Variants in NCAPH2 observed in about 807,000 individuals in gnomAD.
NCAPH2 encodes non-SMC condensin II complex subunit H2.
In NCAPH2, 56 loss-of-function variants were observed where a neutral mutation model predicts 88.6. That is an observed-to-expected ratio of 0.63 (90% CI 0.51 to 0.79). The LOEUF is 0.79. Ranked by LOEUF, NCAPH2 falls within the 30% of genes least tolerant of loss-of-function variation. NCAPH2 has a pLI of 0.00. For missense variants in NCAPH2, 794 were observed against 792.0 expected, an observed-to-expected ratio of 1.00 and a Z score of -0.03; for synonymous variants, 378 against 313.6, an observed-to-expected ratio of 1.21 and a Z score of -2.17.
chr22:50,517,703 G>C, intron 4 of NCAPH2, 38 bp from the exon 5 acceptor site: 1 of 1,614,098 alleles, frequency 6.2e-7, no homozygotes, highest in Non-Finnish European at 8.5e-7. Flanking sequence ...CTGTGTGTTT[G>C]CCTGGGCTCC....
intron 7 of NCAPH2, 44 bp downstream of exon 7, chr22:50,518,322 G>A (rs2068987606): frequency 6.3e-7 from 1 of 1,598,470 alleles, no homozygotes; most frequent in African/African-American, 1.3e-5. Flanking sequence ...GGAAGGGAGG[G>A]TCTTCTGGTT....
rs749572949 is a variant in NCAPH2 at position 50,523,156 on chromosome 22, C to G, written c.1667C>G (p.Ser556Cys). 10 of 1,613,690 alleles carry G rather than the reference C, an allele frequency of 6.2e-6. No homozygotes were observed. Among genetic ancestry groups the G allele is most frequent in the Non-Finnish European group, 8.5e-6 (10 of 1,179,954 alleles). Residue 556 changes from serine (S) to cysteine (C), a missense_variant, in exon 19 of 20, where the codon TCC (serine) becomes TGC (cysteine). Coordinates refer to ENST00000420993, the MANE Select transcript of NCAPH2 (RefSeq NM_152299.4). Reference protein sequence around the residue: ...AFEVCRSMLASLQLANDYTVE... With the variant: ...AFEVCRSMLACLQLANDYTVE... ...GAGGTGTGTCGTTCCATGCTGGCCT[C>G]CCTGCAGCTGGTGAGTAGCCTGGGA...
intron 19 of NCAPH2, 33 bp downstream of exon 19, chr22:50,523,199 C>T (rs759139423): frequency 3.0e-5 from 49 of 1,613,482 alleles, no homozygotes; most frequent in Admixed American, 1.0e-4. Flanking sequence ...GAGGGGGAGA[C>T]GGTCCCCAGA....
chr22:50,520,844 T>G, intron 9 of NCAPH2, 121 bp from the exon 10 acceptor site: 267 of 1,136,678 alleles, frequency 2.3e-4, no homozygotes, highest in Non-Finnish European at 3.0e-4. Context: ...ATTACAGGCA[T>G]GAGCCACCAC....
Position 50,518,724 on chromosome 22 carries a change from A to G in NCAPH2, c.722A>G (p.Gln241Arg). 6.2e-7 allele frequency: 1 copy of G among 1,604,864 alleles called. No individual in the cohort carries two copies. Among genetic ancestry groups the G allele is most frequent in the Admixed American group, 1.7e-5 (1 of 58,980 alleles). The change falls in exon 8 of 20, where the codon CAG (glutamine) becomes CGG (arginine). Residue 241 changes from glutamine (Q) to arginine (R), a missense_variant. By Grantham distance (43) the Gln-to-Arg change is conservative. Transcript: ENST00000420993. ...RSPVPALGFSQEPGPSPEGPM... is the reference protein window; with the variant it reads ...RSPVPALGFSREPGPSPEGPM... The stretch of plus-strand genomic sequence containing the variant: ...CCTGTCCCAGCACTCGGCTTCTCCC[A>G]GGAGCCAGGTGAGAAGAGAGCTCCC...
rs180795295 is a variant in NCAPH2, at chr22:50,508,687, A to G, written c.108+242A>G. On this transcript the variant is annotated intron_variant, in intron 1 of 19. Coordinates refer to ENST00000420993, the MANE Select transcript of NCAPH2 (RefSeq NM_152299.4). Reference sequence around the variant, plus strand: ...GTTTCTACCCGTCAGCGAGCCGTGAATGATTGAGTGGGTGGTGACCAGCCG... The same window carrying G: ...GTTTCTACCCGTCAGCGAGCCGTGAGTGATTGAGTGGGTGGTGACCAGCCG... Among the ~76,000 whole-genome samples, 323 of 152,308 alleles carry G rather than the reference A, an allele frequency of 2.1e-3. 2 individuals are homozygous for G. The highest frequency in any genetic ancestry group is 7.5e-3 in the African/African-American group (310 of 41,544).
intron 2 of NCAPH2, among the ~76,000 whole-genome samples, chr22:50,516,837 C>A (rs1000746508): frequency 6.6e-6 from 1 of 152,242 alleles, no homozygotes; most frequent in African/African-American, 2.4e-5. Flanking sequence ...ACCCACCTTC[C>A]CCTTCCCCGT....
At chr22:50,521,173 G>A in intron 10 of NCAPH2, 137 bp downstream of exon 10, 2 of 984,270 alleles carry the variant, frequency 2.0e-6, no homozygotes, top group Non-Finnish European at 3.0e-6. Context: ...CTCTCTTAAA[G>A]ACCCCCTCAT....
intron 1 of NCAPH2, among the ~76,000 whole-genome samples, chr22:50,514,012 A>G (rs1245364504): frequency 2.6e-5 from 4 of 152,142 alleles, no homozygotes; most frequent in Non-Finnish European, 5.9e-5. Context: ...AAGCTTAGGC[A>G]GGGAGAATTA....
intron 10 of NCAPH2, 82 bp from the exon 11 acceptor site, chr22:50,521,461 T>G (rs1333917485): frequency 2.8e-6 from 4 of 1,408,484 alleles, no homozygotes; most frequent in Admixed American, 3.4e-5. Context: ...TTTGGGAGGG[T>G]GGCTGTGCAT....
chr22:50,520,642 T>A, intron 9 of NCAPH2: 3 of 213,368 alleles, frequency 1.4e-5, no homozygotes, highest in East Asian at 1.3e-4. Context: ...CACTGCAACC[T>A]CTGCCTCCTG....
At chr22:50,520,797 G>C (rs955235287) in intron 9 of NCAPH2, 168 bp from the exon 10 acceptor site, 14 of 655,656 alleles carry the variant, frequency 2.1e-5, no homozygotes, top group Non-Finnish European at 5.0e-6. Flanking sequence ...TCTTGACCTC[G>C]GGTGATCTGC....
At chr22:50,519,548 G>C (rs1202188408) in intron 9 of NCAPH2, 5 of 1,311,884 alleles carry the variant, frequency 3.8e-6, no homozygotes, top group Non-Finnish European at 4.9e-6. Flanking sequence ...TCAGAGTAGT[G>C]GGCTGGCGTC....
In NCAPH2 at chr22:50,523,791, C is replaced by T; in HGVS notation, c.*416C>T. 2 of 1,614,178 alleles carry T rather than the reference C, an allele frequency of 1.2e-6. No individual in the cohort carries two copies. The highest frequency in any genetic ancestry group is 1.7e-6 in the Non-Finnish European group (2 of 1,180,032). The stretch of plus-strand genomic sequence containing the variant: ...CATCCTTGGGGCCTGCATTGTAGTA[C>T]ACGCGGTAACTGTGACTAGCCTGGG... On this transcript the variant is annotated 3_prime_UTR_variant, in exon 20 of 20. Transcript: ENST00000420993.
At chr22:50,518,376 G>A in intron 7 of NCAPH2, 98 bp downstream of exon 7, 1 of 1,508,966 alleles carries the variant, frequency 6.6e-7, no homozygotes, top group Non-Finnish European at 8.9e-7. Context: ...CTGGTCTTGG[G>A]AGCTCCCTGT....
chr22:50,516,102 C>G (rs969141518), intron 1 of NCAPH2, among the ~76,000 whole-genome samples: 1 of 152,120 alleles, frequency 6.6e-6, no homozygotes, highest in African/African-American at 2.4e-5. Context: ...CTTTCCTACC[C>G]CTGAGGTTCC....
At chr22:50,509,301 C>T (rs986739288) in intron 1 of NCAPH2, among the ~76,000 whole-genome samples, 1 of 152,156 alleles carries the variant, frequency 6.6e-6, no homozygotes, top group Admixed American at 6.6e-5. Context: ...TCCAAATCTA[C>T]TTTACATATC....
chr22:50,521,409 ACTC>A (rs1312205828), intron 10 of NCAPH2, 131 bp from the exon 11 acceptor site: 8 of 893,362 alleles, frequency 9.0e-6, no homozygotes, highest in African/African-American at 1.9e-5. Context: ...TGCACCCCCT[ACTC>A]CTCCTTTGGG....
Position 50,524,734 on chromosome 22 carries a change from G to A in NCAPH2, c.*1359G>A, listed in dbSNP as rs2069258435. 1.8e-6 allele frequency: 1 copy of A among 571,216 alleles called. No individual in the cohort carries two copies. Among genetic ancestry groups the A allele is most frequent in the South Asian group, 1.5e-5 (1 of 64,966 alleles). 35.4% of individuals were successfully genotyped at this position (571,216 alleles called of 1,614,324 possible). A position where few individuals can be genotyped will look rare whatever the true frequency, so the allele number is the denominator to read the frequency against. ...AGCATTCCAAGTGCATGCCTTGCCT[G>A]AACTAACCACGTTATCTATTTGCAA... On this transcript the variant is annotated 3_prime_UTR_variant, in exon 20 of 20. Coordinates refer to ENST00000420993, the MANE Select transcript of NCAPH2 (RefSeq NM_152299.4).
Sources: allele counts gnomAD v4.1 joint callset (sites outside exome capture counted in the v4.1 genomes callset), GRCh38; gene constraint gnomAD v4.1.1; transcripts MANE v1.5; gene names NCBI Gene and HGNC (gene_info 2026-07-23, HGNC 2026-07-21).